CALM2: variants seen among roughly 807,000 people sequenced by gnomAD.
CALM2 encodes calmodulin-2.
Under a neutral mutation model 19.8 loss-of-function variants are expected in CALM2, and 2 were observed. The ratio of observed to expected loss-of-function variants is 0.10; its 90% CI spans 0.04 to 0.32. The LOEUF is 0.32. CALM2 is among the 10% of genes least tolerant of loss of function. The pLI is 1.00. For missense variants in CALM2, 38 were observed against 178.7 expected (o/e 0.21, Z 4.49); for synonymous variants, 51 against 52.1 (o/e 0.98, Z 0.09).
At chr2:47,175,240 G>A (rs143033160) in intron 1 of CALM2, among the ~76,000 whole-genome samples, 2 of 152,172 alleles carry the variant, frequency 1.3e-5, no homozygotes, top group Admixed American at 6.5e-5. Flanking sequence ...AGACGACCTG[G>A]CAACTTCTAC....
chr2:47,171,175 T>TAA lies in CALM2; in HGVS notation c.4-413_4-412dup, dbSNP rs10700263. 912 of 147,154 alleles carry TAA rather than the reference T, an allele frequency of 6.2e-3. 18 individuals carry two copies. Among genetic ancestry groups the TAA allele is most frequent in the African/African-American group, 0.021 (812 of 39,328 alleles). 9.1% of individuals were successfully genotyped at this position (147,154 alleles called of 1,614,324 possible). On this transcript the variant is annotated intron_variant, in intron 1 of 5. Transcript: ENST00000272298. ...CACATTGTTTTGAAATTAAAGTGATTAAAAAAAAAAAAAGGCACAAACTTT... is the reference window on the plus strand; with the variant it reads ...CACATTGTTTTGAAATTAAAGTGATTAAAAAAAAAAAAAAAGGCACAAACTTT...
upstream of CALM2, chr2:47,176,575 T>TC (rs1239004561): frequency 4.5e-6 from 7 of 1,549,178 alleles, no homozygotes; most frequent in South Asian, 5.9e-5. Flanking sequence ...CTCCGCCGCA[T>TC]CCAGATAACG....
rs2016682 is a variant in CALM2, at chr2:47,161,705, T to C, written c.421+18A>G. ...AAAAATCAAAGTGAAGAATGAGGCG[T>C]GAGACTGAAACATTTACCTTCATAG... On this transcript the variant is annotated intron_variant, in intron 5 of 5. Transcript: ENST00000272298. The C allele has an allele frequency of 0.019, 30,483 of 1,603,166 alleles. 1,767 individuals are homozygous for C. Among genetic ancestry groups the C allele is most frequent in the Admixed American group, 0.16 (9,082 of 58,400 alleles).
At chr2:47,175,985 A>G (rs1311503693) in intron 1 of CALM2, among the ~76,000 whole-genome samples, 14 of 151,820 alleles carry the variant, frequency 9.2e-5, no homozygotes, top group Admixed American at 8.5e-4. Flanking sequence ...CCCTGGGCGC[A>G]TGGCGGCCGC....
intron 4 of CALM2, 40 bp downstream of exon 4, chr2:47,162,246 T>G: frequency 8.7e-7 from 1 of 1,153,246 alleles, no homozygotes; most frequent in Non-Finnish European, 1.2e-6. Flanking sequence ...GGTATCTTCA[T>G]TTCATCCTCA....
At position 47,175,081 on chromosome 2, in the gene CALM2, G is replaced by GTTTTTTTTTTTTTTTTTTTTTTTTTT. The variant is rs563702873; in HGVS notation, c.3+1359_3+1360insAAAAAAAAAAAAAAAAAAAAAAAAAA. 7.7e-5 allele frequency among the ~76,000 whole-genome samples: 6 copies of GTTTTTTTTTTTTTTTTTTTTTTTTTT among 77,964 alleles called. 2 individuals carry two copies. Among genetic ancestry groups the GTTTTTTTTTTTTTTTTTTTTTTTTTT allele is most frequent in the Non-Finnish European group, 1.0e-4 (5 of 49,316 alleles). The allele number at this position is 77,964 out of a possible 152,430, so 51.1% of individuals were successfully genotyped here. ...TCACAGATCACCGCCCTCATTAGGT[G>GTTTTTTTTTTTTTTTTTTTTTTTTTT]TTTTTTTTTTTTTTTTTCAGGAAAG... On this transcript the variant is annotated intron_variant, in intron 1 of 5. Coordinates refer to ENST00000272298, the MANE Select transcript of CALM2 (RefSeq NM_001743.6).
At chr2:47,164,963 C>T (rs1284729170) in intron 2 of CALM2, among the ~76,000 whole-genome samples, 1 of 152,216 alleles carries the variant, frequency 6.6e-6, no homozygotes, top group Non-Finnish European at 1.5e-5. Flanking sequence ...CCCATTACCA[C>T]ATAAATATCT....
In CALM2 at chr2:47,168,405, T is replaced by C. The variant is rs569569903; in HGVS notation, c.34+2329A>G. Among the ~76,000 whole-genome samples, 3 of 152,288 alleles carry C rather than the reference T, an allele frequency of 2.0e-5. No homozygotes were observed. The South Asian group carries it at 6.2e-4, about 32-fold the overall frequency. On this transcript the variant is annotated intron_variant, in intron 2 of 5. Transcript: ENST00000272298. ...TAAAGACAATAAAGAGAACAGGTCCTGAATGTCACAGTTTTGATGAACTAC... is the reference window on the plus strand; with the variant it reads ...TAAAGACAATAAAGAGAACAGGTCCCGAATGTCACAGTTTTGATGAACTAC...
At chr2:47,174,729 G>A (rs1356295649) in intron 1 of CALM2, among the ~76,000 whole-genome samples, 1 of 151,344 alleles carries the variant, frequency 6.6e-6, no homozygotes, top group Non-Finnish European at 1.5e-5. Context: ...ACTGATTAAA[G>A]AAAACTTTAC....
upstream of CALM2, chr2:47,176,921 C>T (rs910333221): frequency 2.0e-6 from 2 of 985,342 alleles, no homozygotes; most frequent in Non-Finnish European, 1.2e-6. Flanking sequence ...GCTCGGGCCG[C>T]GCTGTCCTGG....
intron 2 of CALM2, among the ~76,000 whole-genome samples, chr2:47,167,208 C>G: frequency 6.6e-6 from 1 of 152,084 alleles, no homozygotes; most frequent in East Asian, 1.9e-4. Context: ...TTTTCTCAAA[C>G]AAATTTGGAC....
At chr2:47,176,911 G>A (rs1260469471), upstream of CALM2, 4 of 985,264 alleles carry the variant, frequency 4.1e-6, no homozygotes, top group African/African-American at 5.2e-5. Flanking sequence ...TGCCGTTGCT[G>A]CTCGGGCCGC....
chr2:47,167,809 C>CTTTCCTTTTTT (rs1666533825), intron 2 of CALM2: 1 of 18,242 alleles, frequency 5.5e-5, no homozygotes, highest in East Asian at 1.0e-3. Flanking sequence ...ATTTTTTTTT[C>CTTTCCTTTTTT]TTTTCTTTGA....
At chr2:47,176,113 C>G in intron 1 of CALM2, 3 of 368,074 alleles carry the variant, frequency 8.2e-6, no homozygotes, top group South Asian at 1.5e-4. Context: ...CCCTCTCTCC[C>G]TTCCTTCACT....
intron 2 of CALM2, among the ~76,000 whole-genome samples, chr2:47,166,458 A>C (rs1454948148): frequency 6.6e-6 from 1 of 152,242 alleles, no homozygotes; most frequent in East Asian, 1.9e-4. Context: ...CTTTCGAGAA[A>C]TTTAAAAATC....
chr2:47,162,721 A>C, intron 2 of CALM2, 59 bp from the exon 3 acceptor site: 197 of 1,315,608 alleles, frequency 1.5e-4, no homozygotes, highest in Non-Finnish European at 1.9e-4. Flanking sequence ...TGTAACCTAA[A>C]TGAAACGTAT....
chr2:47,165,523 G>T lies in CALM2; in HGVS notation c.35-2861C>A, dbSNP rs763398795. ...TCATTTTTTTGCAGCATCCAAAACTGCATGGAAAAACTCTCAAAATTTTTC... is the reference window on the plus strand; with the variant it reads ...TCATTTTTTTGCAGCATCCAAAACTTCATGGAAAAACTCTCAAAATTTTTC... On this transcript the variant is annotated intron_variant, in intron 2 of 5. Coordinates refer to ENST00000272298, the MANE Select transcript of CALM2 (RefSeq NM_001743.6). 5.4e-4 allele frequency among the ~76,000 whole-genome samples: 82 copies of T among 152,212 alleles called. 1 individual carries two copies. The highest frequency in any genetic ancestry group is 1.7e-3 in the South Asian group (8 of 4,820).
At chr2:47,161,128 T>A (rs1013288927) in intron 5 of CALM2, among the ~76,000 whole-genome samples, 9 of 152,216 alleles carry the variant, frequency 5.9e-5, no homozygotes, top group Non-Finnish European at 8.8e-5. Context: ...TGCTATGGGC[T>A]AGGTTTAATT....
At chr2:47,161,441 T>C (rs1224958810) in intron 5 of CALM2, among the ~76,000 whole-genome samples, 4 of 152,240 alleles carry the variant, frequency 2.6e-5, no homozygotes, top group Admixed American at 2.0e-4. Context: ...ACAGTGCTTC[T>C]CAAACTTTAT....
Sources: gnomAD v4.1 joint callset for allele counts (sites outside exome capture counted in the v4.1 genomes callset) on GRCh38, gnomAD v4.1.1 for gene constraint, MANE v1.5 for transcripts, NCBI Gene and HGNC (gene_info 2026-07-23, HGNC 2026-07-21) for gene names.